The following THOC5 variants were observed in gnomAD, a reference collection of about 807,000 sequenced individuals.
THOC5 encodes the protein THO complex subunit 5, also known as Fms-interacting protein.
THOC5 carries 43 observed loss-of-function variants against 92.9 expected under a neutral mutation model. The ratio of observed to expected loss-of-function variants is 0.46; its 90% confidence interval spans 0.36 to 0.60. The LOEUF is 0.60. Ranked by LOEUF, THOC5 falls within the 20% of genes least tolerant of loss-of-function variation. The pLI, the probability that THOC5 is intolerant of heterozygous loss-of-function variation, is 0.00. For synonymous variants in THOC5, 296 were observed against 320.1 expected (o/e 0.92, Z 0.80); for missense variants, 659 against 849.4 (o/e 0.78, Z 2.79).
chr22:29,508,588 A>G, intron 19 of THOC5, 68 bp from the exon 20 acceptor site: 1 of 1,400,556 alleles, frequency 7.1e-7, no homozygotes, highest in South Asian at 1.2e-5. Flanking sequence ...ATTATGGTTC[A>G]TTCACACAAG....
chr22:29,544,295 A>G (rs140526248), intron 3 of THOC5, among the ~76,000 whole-genome samples, 165 bp downstream of exon 3: 3 of 152,312 alleles, frequency 2.0e-5, no homozygotes, highest in African/African-American at 4.8e-5. Context: ...CTGAATGGTG[A>G]TAAGAAGTTC....
At chr22:29,519,455 C>T (rs1270563463) in intron 14 of THOC5, among the ~76,000 whole-genome samples, 1 of 152,156 alleles carries the variant, frequency 6.6e-6, no homozygotes, top group African/African-American at 2.4e-5. Context: ...AGACATGAGT[C>T]CCAGAGCAAG....
intron 5 of THOC5, among the ~76,000 whole-genome samples, chr22:29,541,982 T>C (rs1197434603): frequency 4.1e-5 from 6 of 147,682 alleles, no homozygotes; most frequent in Admixed American, 1.4e-4. Flanking sequence ...AGATAAAAGC[T>C]GCTTTCAGTT....
intron 13 of THOC5, 134 bp downstream of exon 13, chr22:29,520,864 A>G: frequency 1.4e-6 from 1 of 696,230 alleles, no homozygotes; most frequent in Non-Finnish European, 2.6e-6. Context: ...GAAAGAACAA[A>G]CATTTCCTTC....
At chr22:29,517,818 G>C (rs1007132580) in intron 15 of THOC5, among the ~76,000 whole-genome samples, 2 of 152,192 alleles carry the variant, frequency 1.3e-5, no homozygotes, top group African/African-American at 4.8e-5. Context: ...ATTTAAATAA[G>C]CAAATATGCC....
rs1233553941 is a variant in THOC5 at position 29,512,019 on chromosome 22, A to T, written c.1797+2T>A. On this transcript the variant is annotated splice_donor_variant, in intron 18 of 19. Coordinates refer to ENST00000490103, the MANE Select transcript of THOC5 (RefSeq NM_003678.5). LOFTEE classifies it high-confidence loss of function. ...CTCCTGTCATCCCCAGCTGGGTCTT[A>T]CCCGAATGTTGTCATCGTTGCTGTT... 1 of 1,613,506 alleles carries T rather than the reference A, an allele frequency of 6.2e-7. No homozygotes were observed. The highest frequency in any genetic ancestry group is 1.7e-5 in the Admixed American group (1 of 60,006).
chr22:29,521,090 C>T lies in THOC5; in HGVS notation c.1185G>A (p.Leu395=). 1 of 1,613,074 alleles carries T rather than the reference C, an allele frequency of 6.2e-7. No homozygotes were observed. The highest frequency in any genetic ancestry group is 2.2e-5 in the East Asian group (1 of 44,872). ...AGCAACTCAGGACTGAGTCAGGAGA[C>T]AGCAAGTCACTAGAAAAGGAAAAAC... ...LITPISAGDL[L]SPDSVLSCLY... Residue 395 remains leucine, a synonymous_variant, in exon 13 of 20, where the codon CTG becomes CTA. Transcript: ENST00000490103.
At chr22:29,511,474 A>G in intron 18 of THOC5, 178 bp from the exon 19 acceptor site, 1 of 610,400 alleles carries the variant, frequency 1.6e-6, no homozygotes, top group East Asian at 2.8e-5. Context: ...CATCAAGACA[A>G]TGAGGTCTTC....
chr22:29,532,622 G>A (rs1186645675), intron 7 of THOC5, among the ~76,000 whole-genome samples: 1 of 151,872 alleles, frequency 6.6e-6, no homozygotes, highest in Non-Finnish European at 1.5e-5. Flanking sequence ...CCGAGATCAT[G>A]CCATTGCACT....
chr22:29,528,008 C>A (rs1024374150), intron 11 of THOC5, 70 bp downstream of exon 11: 28 of 1,490,042 alleles, frequency 1.9e-5, no homozygotes, highest in Middle Eastern at 1.7e-4. Flanking sequence ...GCTCCCGGAC[C>A]CTCTGCACCT....
intron 4 of THOC5, 40 bp downstream of exon 4, chr22:29,543,382 GGGGAGGA>G: frequency 8.2e-7 from 1 of 1,214,752 alleles, no homozygotes; most frequent in Non-Finnish European, 1.2e-6. Flanking sequence ...AGAAGGGGAT[GGGGAGGA>G]GGAAGGAGGA....
intron 11 of THOC5, among the ~76,000 whole-genome samples, chr22:29,527,370 G>C (rs1437219729): frequency 6.6e-6 from 1 of 152,172 alleles, no homozygotes; most frequent in East Asian, 1.9e-4. Flanking sequence ...AGTGAGCCGT[G>C]ATCATGCCAC....
chr22:29,524,631 CT>C (rs1394960865), intron 12 of THOC5, among the ~76,000 whole-genome samples: 2 of 152,172 alleles, frequency 1.3e-5, no homozygotes, highest in African/African-American at 2.4e-5. Flanking sequence ...GAAGCAAGCC[CT>C]GGGCTCCCTC....
intron 17 of THOC5, among the ~76,000 whole-genome samples, chr22:29,514,934 A>T (rs969311810): frequency 1.1e-4 from 16 of 151,460 alleles, no homozygotes; most frequent in African/African-American, 3.9e-4. Flanking sequence ...TGAACTCCTG[A>T]CCTCAAGTGA....
intron 1 of THOC5, among the ~76,000 whole-genome samples, chr22:29,552,891 C>T (rs866346472): frequency 1.3e-5 from 2 of 152,204 alleles, no homozygotes; most frequent in Admixed American, 6.5e-5. Flanking sequence ...TTGTTCTGTA[C>T]TGAGAGAAAT....
intron 12 of THOC5, among the ~76,000 whole-genome samples, chr22:29,523,873 T>C (rs1396809082): frequency 6.6e-6 from 1 of 152,236 alleles, no homozygotes; most frequent in African/African-American, 2.4e-5. Context: ...GAATATACCC[T>C]TTATGTTTTA....
At chr22:29,518,129 G>A (rs2063368054) in intron 15 of THOC5, among the ~76,000 whole-genome samples, 1 of 152,182 alleles carries the variant, frequency 6.6e-6, no homozygotes, top group South Asian at 2.1e-4. Context: ...CGCCTCTCAG[G>A]TTCAAGCAAT....
intron 11 of THOC5, 75 bp from the exon 12 acceptor site, chr22:29,526,021 T>A: frequency 4.1e-5 from 18 of 439,760 alleles, no homozygotes; most frequent in Middle Eastern, 4.1e-4. Flanking sequence ...TAGGGGGTAG[T>A]AAGGTGGGGG....
Position 29,537,363 on chromosome 22 carries a change from G to A in THOC5, c.600-625C>T, listed in dbSNP as rs563349909. Among the ~76,000 whole-genome samples the A allele has an allele frequency of 6.2e-4, 95 of 152,314 alleles. No individual in the cohort carries two copies. In the Middle Eastern group the frequency reaches 0.014, roughly 22 times the overall value. Reference sequence around the variant, plus strand: ...AATTTCCTAAGAACCAGACTCGGCCGGGAATGGTGGCTCATGCCTGTAATT... The same window carrying A: ...AATTTCCTAAGAACCAGACTCGGCCAGGAATGGTGGCTCATGCCTGTAATT... On this transcript the variant is annotated intron_variant, in intron 6 of 19. Transcript: ENST00000490103.
Sources: gnomAD v4.1 joint callset for allele counts (sites outside exome capture counted in the v4.1 genomes callset) on GRCh38, gnomAD v4.1.1 for gene constraint, MANE v1.5 for transcripts, NCBI Gene and HGNC (gene_info 2026-07-23, HGNC 2026-07-21) for gene names.